Variants in SDCCAG8 observed in about 807,000 individuals in gnomAD.
The protein encoded by SDCCAG8 is serologically defined colon cancer antigen 8.
Under a neutral mutation model 101.8 loss-of-function variants are expected in SDCCAG8, and 74 were observed. That is an observed-to-expected ratio of 0.73 (90% CI 0.60 to 0.88). SDCCAG8 has a LOEUF of 0.88. SDCCAG8 is among the 40% of genes least tolerant of loss of function. SDCCAG8 has a pLI of 0.00. For missense variants in SDCCAG8, 787 were observed against 822.6 expected (o/e 0.96, Z 0.53); for synonymous variants, 281 against 292.9 (o/e 0.96, Z 0.41).
In SDCCAG8 at chr1:243,293,085, T is replaced by A. The variant is rs774144062; in HGVS notation, c.547-6T>A. 1.2e-6 allele frequency: 2 copies of A among 1,614,006 alleles called. No individual in the cohort carries two copies. Among genetic ancestry groups the A allele is most frequent in the African/African-American group, 2.7e-5 (2 of 74,920 alleles). ...CAGTTGCAGTTACTGGCACATTTTA[T>A]TTTAGGGAAACATGCACAATTCTTG... On this transcript the variant is annotated splice_polypyrimidine_tract_variant and splice_region_variant and intron_variant, in intron 5 of 17. Coordinates refer to ENST00000366541, the MANE Select transcript of SDCCAG8 (RefSeq NM_006642.5).
chr1:243,492,338 G>A (rs1294196792), intron 17 of SDCCAG8, among the ~76,000 whole-genome samples: 3 of 107,628 alleles, frequency 2.8e-5, no homozygotes, highest in Admixed American at 3.0e-4. Context: ...GTCTTGCTCC[G>A]TCACCCGGAC....
intron 9 of SDCCAG8, among the ~76,000 whole-genome samples, chr1:243,329,995 G>A (rs1289216634): frequency 3.9e-5 from 6 of 152,114 alleles, no homozygotes; most frequent in African/African-American, 1.4e-4. Flanking sequence ...GTATGTTTAA[G>A]GGGAGTGAAC....
At chr1:243,441,100 C>T (rs1356213764) in intron 16 of SDCCAG8, among the ~76,000 whole-genome samples, 1 of 152,168 alleles carries the variant, frequency 6.6e-6, no homozygotes, top group African/African-American at 2.4e-5. Context: ...ATTTTAAAGG[C>T]ATTTTGTATG....
intron 13 of SDCCAG8, among the ~76,000 whole-genome samples, chr1:243,412,283 G>A (rs927411644): frequency 1.3e-5 from 2 of 152,144 alleles, no homozygotes; most frequent in African/African-American, 2.4e-5. Context: ...CTAGAGCAGT[G>A]TGTCTGATCT....
At chr1:243,307,281 C>T (rs1354979940) in intron 7 of SDCCAG8, 1 of 348,606 alleles carries the variant, frequency 2.9e-6, no homozygotes, top group Non-Finnish European at 4.0e-6. Flanking sequence ...CACCCCCACC[C>T]CCACCATTCC....
intron 16 of SDCCAG8, among the ~76,000 whole-genome samples, chr1:243,464,466 A>C (rs760977965): frequency 6.6e-6 from 1 of 152,246 alleles, no homozygotes; most frequent in Non-Finnish European, 1.5e-5. Context: ...TTAATATTTC[A>C]TCAGGCAAGT....
intron 10 of SDCCAG8, among the ~76,000 whole-genome samples, chr1:243,338,525 A>G (rs1252819366): frequency 6.6e-6 from 1 of 150,546 alleles, no homozygotes; most frequent in East Asian, 2.0e-4. Context: ...TCTTGCTGTG[A>G]GTTTGTGTGT....
intron 5 of SDCCAG8, among the ~76,000 whole-genome samples, chr1:243,288,985 C>T (rs961571275): frequency 8.4e-5 from 12 of 142,526 alleles, no homozygotes; most frequent in Admixed American, 1.5e-4. Context: ...CTGGCCTGGG[C>T]GACAGAGCAA....
intron 12 of SDCCAG8, among the ~76,000 whole-genome samples, chr1:243,365,831 T>C (rs868298472): frequency 1.3e-5 from 2 of 152,250 alleles, no homozygotes; most frequent in Middle Eastern, 6.8e-3. Flanking sequence ...TATGCCTGCA[T>C]GTATGTTGAT....
Position 243,308,081 on chromosome 1 carries a change from G to T in SDCCAG8, c.833G>T (p.Arg278Leu), listed in dbSNP as rs200657425. 2 of 1,614,128 alleles carry T rather than the reference G, an allele frequency of 1.2e-6. No individual in the cohort carries two copies. The highest frequency in any genetic ancestry group is 1.3e-5 in the African/African-American group (1 of 75,056). Residue 278 changes from arginine (R) to leucine (L), a missense_variant, in exon 8 of 18, where the codon CGT (arginine) becomes CTT (leucine). By Grantham distance (102) the Arg-to-Leu change is moderately radical. Coordinates refer to ENST00000366541, the MANE Select transcript of SDCCAG8 (RefSeq NM_006642.5). ...EFLLAANTCN[R>L]VGGLCLKCAQ... is the part of the protein sequence containing the mutation. Reference sequence around the variant, plus strand: ...CTTCTGGCTGCTAATACTTGTAACCGTGTTGGTGGTCTTTGTTTGAAATGT... The same window carrying T: ...CTTCTGGCTGCTAATACTTGTAACCTTGTTGGTGGTCTTTGTTTGAAATGT...
chr1:243,355,919 C>G (rs2076355352), intron 12 of SDCCAG8, among the ~76,000 whole-genome samples: 1 of 152,138 alleles, frequency 6.6e-6, no homozygotes, highest in Admixed American at 6.6e-5. Flanking sequence ...GTGGATTCTT[C>G]TTTAGCTTGC....
At chr1:243,328,271 T>C (rs2074350456) in intron 9 of SDCCAG8, among the ~76,000 whole-genome samples, 1 of 151,842 alleles carries the variant, frequency 6.6e-6, no homozygotes, top group Non-Finnish European at 1.5e-5. Context: ...GTTTTTTGTT[T>C]GTTTGTTTGT....
rs114403938 is a variant in SDCCAG8, at chr1:243,447,807, T to A, written c.1985+21249T>A. On this transcript the variant is annotated intron_variant, in intron 16 of 17. Transcript: ENST00000366541. ...GTTCAAATAATATAAATAAAAATAT[T>A]TGTAAACATTTAAAACTTTACAAAG... 4.0e-3 allele frequency among the ~76,000 whole-genome samples: 613 copies of A among 152,326 alleles called. 6 individuals carry two copies. Among genetic ancestry groups the A allele is most frequent in the African/African-American group, 0.014 (583 of 41,570 alleles).
rs2080562367 is a variant in SDCCAG8 at position 243,416,046 on chromosome 1, C to G, written c.1744+217C>G. ...TGTTGATTTCAGAGTGCTGCTCTCA[C>G]ATCTGTTGCACCATCTGGATTATGA... is the stretch of plus-strand genomic sequence containing the variant. On this transcript the variant is annotated intron_variant, in intron 14 of 17. Transcript: ENST00000366541. This position sits in a 1 kb window ranked among gnomAD's most constrained non-coding sequence, Gnocchi z 4.3. 1.3e-5 allele frequency among the ~76,000 whole-genome samples: 2 copies of G among 152,200 alleles called. No individual in the cohort carries two copies. Among genetic ancestry groups the G allele is most frequent in the Non-Finnish European group, 2.9e-5 (2 of 68,030 alleles).
At chr1:243,347,326 A>G (rs56821278) in intron 12 of SDCCAG8, among the ~76,000 whole-genome samples, 4,481 of 152,304 alleles carry the variant, frequency 0.029, 212 homozygotes, top group African/African-American at 0.1. Context: ...AATGTTAACA[A>G]TACTTCTTTA....
chr1:243,321,867 T>C (rs1156299995), intron 9 of SDCCAG8, among the ~76,000 whole-genome samples: 2 of 152,238 alleles, frequency 1.3e-5, no homozygotes, highest in African/African-American at 4.8e-5. Context: ...CAGGCTGGTA[T>C]TGAACTCCTG....
At chr1:243,303,132 C>T (rs1453989654) in intron 6 of SDCCAG8, among the ~76,000 whole-genome samples, 3 of 152,150 alleles carry the variant, frequency 2.0e-5, no homozygotes, top group African/African-American at 7.2e-5. Context: ...AAGGACTTAA[C>T]AGAAGATGAG....
At chr1:243,406,805 G>A (rs1573867644) in intron 13 of SDCCAG8, among the ~76,000 whole-genome samples, 1 of 152,100 alleles carries the variant, frequency 6.6e-6, no homozygotes, top group East Asian at 1.9e-4. Flanking sequence ...GTGTTCTCAG[G>A]GCACCTGGTT....
At chr1:243,499,714 GA>G (rs751875793) in intron 17 of SDCCAG8, 41 bp from the exon 18 acceptor site, 1 of 1,476,062 alleles carries the variant, frequency 6.8e-7, no homozygotes, top group African/African-American at 1.4e-5. Context: ...TAACATTGAA[GA>G]ACATGAGCTA....
Sources: gnomAD v4.1 joint callset for allele counts (sites outside exome capture counted in the v4.1 genomes callset) on GRCh38, gnomAD v4.1.1 for gene constraint, Gnocchi (gnomAD v3.1) non-coding constraint, MANE v1.5 for transcripts, NCBI Gene and HGNC (gene_info 2026-07-23, HGNC 2026-07-21) for gene names.